The following ZNF48 variants were observed in gnomAD, a reference collection of about 807,000 sequenced individuals.
ZNF48 encodes zinc finger protein 553.
In ZNF48, 20 loss-of-function variants were observed where a neutral mutation model predicts 40.0. That is an observed-to-expected ratio of 0.50 (90% confidence interval 0.35 to 0.73). The LOEUF is 0.73. Ranked by LOEUF, ZNF48 falls within the 30% of genes least tolerant of loss-of-function variation. ZNF48 has a pLI of 0.01. For missense variants in ZNF48, 726 were observed against 851.9 expected, an observed-to-expected ratio of 0.85 and a Z score of 1.84; for synonymous variants, 298 against 329.7, an observed-to-expected ratio of 0.90 and a Z score of 1.04.
At chr16:30,392,137 T>C (rs938949730), upstream of ZNF48, among the ~76,000 whole-genome samples, 17 of 152,296 alleles carry the variant, frequency 1.1e-4, no homozygotes, top group African/African-American at 3.8e-4. Flanking sequence ...ATTCTCCTGC[T>C]TCAGCCTCCT....
At position 30,395,461 on chromosome 16, in the gene ZNF48, C is replaced by A; in HGVS notation, c.-133C>A. 2 of 339,492 alleles carry A rather than the reference C, an allele frequency of 5.9e-6. No individual in the cohort carries two copies. Among genetic ancestry groups the A allele is most frequent in the South Asian group, 4.2e-5 (2 of 47,684 alleles). 21.0% of individuals were successfully genotyped at this position (339,492 alleles called of 1,614,324 possible). A position where few individuals can be genotyped will look rare whatever the true frequency, so the allele number is the denominator to read the frequency against. On this transcript the variant is annotated 5_prime_UTR_variant, in exon 1 of 3. Coordinates refer to ENST00000613509, the MANE Select transcript of ZNF48 (RefSeq NM_001214909.2). The surrounding 1 kb of genome is among the most constrained non-coding windows in gnomAD (Gnocchi z 5.9). ...CGCCCCCGGGACGCCTGGGTCCGAG[C>A]CCGCTCCCGGCTTGGCGCGGAGCCT...
chr16:30,384,974 C>T (rs1009330446), intron 1 of ZNF48, among the ~76,000 whole-genome samples: 1 of 151,698 alleles, frequency 6.6e-6, no homozygotes, highest in Non-Finnish European at 1.5e-5. Context: ...GTCAGGAGTT[C>T]GAGACCAGCC....
At position 30,381,269 on chromosome 16, in the gene ZNF48, C is replaced by A; in HGVS notation, c.-16+2859C>A. On this transcript the variant is annotated intron_variant, in intron 1 of 2. Coordinates refer to the ZNF48 transcript ENST00000528032. The surrounding 1 kb of genome is among the most constrained non-coding windows in gnomAD (Gnocchi z 4.3). ...CCTGCACCCAGGGATTGGTCATTGC[C>A]CAGCCTCAGGGGGCAGAGACCCCCC... 6.2e-7 allele frequency: 1 copy of A among 1,613,518 alleles called. No homozygotes were observed. The highest frequency in any genetic ancestry group is 8.5e-7 in the Non-Finnish European group (1 of 1,179,540).
intron 1 of ZNF48, among the ~76,000 whole-genome samples, chr16:30,388,029 C>G (rs1267681064): frequency 3.3e-5 from 5 of 151,174 alleles, no homozygotes; most frequent in Admixed American, 6.6e-5. Flanking sequence ...TGCAATGGCG[C>G]GATCTCGGCT....
intron 2 of ZNF48, among the ~76,000 whole-genome samples, chr16:30,396,412 A>G (rs1379613594): frequency 2.0e-5 from 3 of 152,092 alleles, no homozygotes; most frequent in Non-Finnish European, 2.9e-5. Context: ...CTCTTGTGAC[A>G]ACATAGTTAT....
At position 30,384,532 on chromosome 16, in the gene ZNF48, AAAAC is replaced by A. The variant is rs756645182; in HGVS notation, c.-16+6134_-16+6137del. ...AGCAAGACTCCGTCTCAAAAAACAA[AAAAC>A]AAACAAACAAAAATGCTACTTAATA... On this transcript the variant is annotated intron_variant, in intron 1 of 2. Transcript: ENST00000528032. 7.5e-4 allele frequency among the ~76,000 whole-genome samples: 114 copies of A among 151,860 alleles called. No homozygotes were observed. In the Middle Eastern group the frequency reaches 0.017, roughly 23 times the overall value.
chr16:30,383,884 C>T (rs1419843482), intron 1 of ZNF48, among the ~76,000 whole-genome samples: 1 of 152,242 alleles, frequency 6.6e-6, no homozygotes, highest in Non-Finnish European at 1.5e-5. Flanking sequence ...TATGCAATCT[C>T]TCCACCTACC....
In ZNF48 at chr16:30,379,497, A is replaced by C. The variant is rs137903946; in HGVS notation, c.-16+1087A>C. The C allele has an allele frequency of 2.8e-3, 4,460 of 1,613,046 alleles. 16 individuals carry two copies. Among genetic ancestry groups the C allele is most frequent in the South Asian group, 4.8e-3 (434 of 91,028 alleles). ...CGGCCGGTTCCCGCCATCCCTCACC[A>C]CCTCGCATGATCCCACGACTGCAAA... On this transcript the variant is annotated intron_variant, in intron 1 of 2. Transcript: ENST00000528032.
In ZNF48 at chr16:30,381,685, C is replaced by G. The variant is rs1227790787; in HGVS notation, c.-16+3275C>G. 2 of 1,584,102 alleles carry G rather than the reference C, an allele frequency of 1.3e-6. No homozygotes were observed. Among genetic ancestry groups the G allele is most frequent in the South Asian group, 1.2e-5 (1 of 86,738 alleles). ...CACCTTTTGAGATAGGGAGCCAGCACAAACCAGTCCTGTAACTCTCCAGGG... is the reference window on the plus strand; with the variant it reads ...CACCTTTTGAGATAGGGAGCCAGCAGAAACCAGTCCTGTAACTCTCCAGGG... On this transcript the variant is annotated intron_variant, in intron 1 of 2. Transcript: ENST00000528032. The surrounding 1 kb of genome is among the most constrained non-coding windows in gnomAD (Gnocchi z 4.3).
At chr16:30,379,127 G>A (rs368567804) in intron 1 of ZNF48, 16 of 1,614,164 alleles carry the variant, frequency 9.9e-6, no homozygotes, top group Non-Finnish European at 1.4e-5. Flanking sequence ...TCCTGCAGGT[G>A]TGTCTGCACC....
At chr16:30,384,721 T>C (rs1383861193) in intron 1 of ZNF48, among the ~76,000 whole-genome samples, 1 of 146,362 alleles carries the variant, frequency 6.8e-6, no homozygotes, top group Non-Finnish European at 1.5e-5. Context: ...CTACTAAGAA[T>C]ACAAAAATTA....
chr16:30,385,117 G>A (rs561207413), intron 1 of ZNF48, among the ~76,000 whole-genome samples: 1 of 151,670 alleles, frequency 6.6e-6, no homozygotes, highest in Non-Finnish European at 1.5e-5. Context: ...GAAGTTTGCG[G>A]TGAGCTGAGA....
chr16:30,381,764 C>T lies in ZNF48; in HGVS notation c.-16+3354C>T, dbSNP rs768352646. The T allele has an allele frequency of 6.2e-7, 1 of 1,614,028 alleles. No homozygotes were observed. The highest frequency in any genetic ancestry group is 1.3e-5 in the African/African-American group (1 of 75,026). ...GTCCCCTTTCCTCTTCCTCACCAGT[C>T]AGAGCAGTCCACTGAGTCCCCAAAG... On this transcript the variant is annotated intron_variant, in intron 1 of 2. Transcript: ENST00000528032. The surrounding 1 kb of genome is among the most constrained non-coding windows in gnomAD (Gnocchi z 4.3).
rs1305980789 is a variant in ZNF48, at chr16:30,399,308, G to A, written c.*201G>A. ...CTGGGCTGAGTCAGGACCTTGCCAG[G>A]ACGGGCTGTACCCCTGGCTTCTAGA... On this transcript the variant is annotated 3_prime_UTR_variant, in exon 3 of 3. Coordinates refer to ENST00000613509, the MANE Select transcript of ZNF48 (RefSeq NM_001214909.2). 1.8e-6 allele frequency: 1 copy of A among 552,486 alleles called. No homozygotes were observed. Among genetic ancestry groups the A allele is most frequent in the East Asian group, 3.0e-5 (1 of 33,756 alleles). The allele number at this position is 552,486 out of a possible 1,614,324, so 34.2% of individuals were successfully genotyped here. A position where few individuals can be genotyped will look rare whatever the true frequency, so the allele number is the denominator to read the frequency against.
intron 1 of ZNF48, among the ~76,000 whole-genome samples, chr16:30,384,719 A>C (rs569315396): frequency 1.2e-4 from 18 of 151,630 alleles, no homozygotes; most frequent in Admixed American, 9.9e-4. Flanking sequence ...CTCTACTAAG[A>C]ATACAAAAAT....
rs767019008 is a variant in ZNF48, at chr16:30,398,746, G to T, written c.1496G>T (p.Arg499Leu). 1 of 1,613,818 alleles carries T rather than the reference G, an allele frequency of 6.2e-7. No individual in the cohort carries two copies. Among genetic ancestry groups the T allele is most frequent in the South Asian group, 1.1e-5 (1 of 91,080 alleles). Residue 499 changes from arginine to leucine, a missense_variant, in exon 3 of 3, where the codon CGC becomes CTC. Transcript: ENST00000613509. This position sits in a 1 kb window ranked among gnomAD's most constrained non-coding sequence, Gnocchi z 6.6. ...ADSSARVKHL[R>L]THRGERARPP... Reference sequence around the variant, plus strand: ...AGCTCAGCCCGAGTCAAGCACCTCCGCACCCACCGTGGTGAACGGGCCCGG... The same window carrying T: ...AGCTCAGCCCGAGTCAAGCACCTCCTCACCCACCGTGGTGAACGGGCCCGG...
Position 30,399,023 on chromosome 16 carries a change from T to C in ZNF48, c.1773T>C (p.Arg591=), listed in dbSNP as rs1399908170. 3 of 1,613,844 alleles carry C rather than the reference T, an allele frequency of 1.9e-6. No individual in the cohort carries two copies. Among genetic ancestry groups the C allele is most frequent in the South Asian group, 1.1e-5 (1 of 91,064 alleles). Reference sequence around the variant, plus strand: ...GTTCTGCCCGCATCAAGCACCAGCGTGGGCACCTGGTCCTGACGCCCTTTG... The same window carrying C: ...GTTCTGCCCGCATCAAGCACCAGCGCGGGCACCTGGTCCTGACGCCCTTTG... ...GDSSARIKHQ[R]GHLVLTPFGI... The change falls in exon 3 of 3, where the codon CGT becomes CGC. Residue 591 remains arginine, a synonymous_variant. Coordinates refer to ENST00000613509, the MANE Select transcript of ZNF48 (RefSeq NM_001214909.2).
rs1290761046 is a variant in ZNF48, at chr16:30,382,678, A to G, written c.-16+4268A>G. 6.5e-7 allele frequency: 1 copy of G among 1,534,086 alleles called. No homozygotes were observed. The highest frequency in any genetic ancestry group is 8.8e-7 in the Non-Finnish European group (1 of 1,142,742). ...CAGAGAGGTGGGGAAGGCCAAGGCC[A>G]AGAACACTTGGGGTTGCCACCTCCT... is the stretch of plus-strand genomic sequence containing the variant. On this transcript the variant is annotated intron_variant, in intron 1 of 2. Transcript: ENST00000528032. This position sits in a 1 kb window ranked among gnomAD's most constrained non-coding sequence, Gnocchi z 4.8.
At position 30,382,411 on chromosome 16, in the gene ZNF48, A is replaced by G. The variant is rs1211158014; in HGVS notation, c.-16+4001A>G. The G allele has an allele frequency of 6.4e-7, 1 of 1,571,738 alleles. No homozygotes were observed. Among genetic ancestry groups the G allele is most frequent in the Non-Finnish European group, 8.7e-7 (1 of 1,149,170 alleles). Reference sequence around the variant, plus strand: ...TATGAGGCTGCTGGCAATGGCAGGCAGGGTCCCCAGGATCACTTGAGTTCC... The same window carrying G: ...TATGAGGCTGCTGGCAATGGCAGGCGGGGTCCCCAGGATCACTTGAGTTCC... On this transcript the variant is annotated intron_variant, in intron 1 of 2. Coordinates refer to the ZNF48 transcript ENST00000528032. This position sits in a 1 kb window ranked among gnomAD's most constrained non-coding sequence, Gnocchi z 4.8.
Sources: gnomAD v4.1 joint callset for allele counts (sites outside exome capture counted in the v4.1 genomes callset) on GRCh38, gnomAD v4.1.1 for gene constraint, Gnocchi (gnomAD v3.1) non-coding constraint, MANE v1.5 for transcripts, NCBI Gene and HGNC (gene_info 2026-07-23, HGNC 2026-07-21) for gene names.